Variants in MITD1 observed in about 807,000 individuals in gnomAD.
The protein encoded by MITD1 is microtubule interacting and trafficking domain containing 1.
MITD1 carries 24 observed loss-of-function variants against 34.9 expected under a neutral mutation model. The ratio of observed to expected loss-of-function variants is 0.69; its 90% CI spans 0.50 to 0.97. The LOEUF is 0.97. MITD1 is among the 50% of genes least tolerant of loss of function. The pLI is 0.00. For missense variants in MITD1, 266 were observed against 294.6 expected (o/e 0.90, Z 0.71); for synonymous variants, 102 against 101.4 (o/e 1.01, Z -0.04).
At chr2:99,170,490 A>C (rs1249299907) in intron 5 of MITD1, 47 bp downstream of exon 5, 1 of 606,730 alleles carries the variant, frequency 1.6e-6, no homozygotes, top group East Asian at 3.1e-5. Context: ...CAAAAATTTT[A>C]AGTATATATC....
downstream of MITD1, among the ~76,000 whole-genome samples, chr2:99,165,029 C>CAA (rs1299744455): frequency 1.4e-5 from 1 of 73,780 alleles, no homozygotes; most frequent in Non-Finnish European, 3.2e-5. Flanking sequence ...TACACACACA[C>CAA]ACACACACAC....
At chr2:99,162,302 G>C in intron 7 of MITD1, 1 of 1,612,736 alleles carries the variant, frequency 6.2e-7, no homozygotes, top group Non-Finnish European at 8.5e-7. Context: ...ATATCAATTT[G>C]ACTTTCTTTA....
intron 7 of MITD1, among the ~76,000 whole-genome samples, chr2:99,164,257 T>C (rs2093815880): frequency 6.6e-6 from 1 of 152,180 alleles, no homozygotes; most frequent in African/African-American, 2.4e-5. Flanking sequence ...GATTCATAAT[T>C]TGGTGAGAGT....
At position 99,174,016 on chromosome 2, in the gene MITD1, C is replaced by A; in HGVS notation, c.152G>T (p.Gly51Val). Residue 51 changes from glycine (G) to valine (V), a missense_variant and splice_region_variant, in exon 2 of 7, where the codon GGT becomes GTT. By Grantham distance (109) the Gly-to-Val change is moderately radical. Transcript: ENST00000289359. ...GIDLLLQVLKGTKDNTKRCNL... is the reference protein window; with the variant it reads ...GIDLLLQVLKVTKDNTKRCNL... Reference sequence around the variant, plus strand: ...ACATCTCTTAGTATTATCTTTGGTACCTACAAATTTAAAAATATATATTAT... The same window carrying A: ...ACATCTCTTAGTATTATCTTTGGTAACTACAAATTTAAAAATATATATTAT... 1.4e-6 allele frequency: 2 copies of A among 1,390,464 alleles called. No individual in the cohort carries two copies. Among genetic ancestry groups the A allele is most frequent in the South Asian group, 1.3e-5 (1 of 78,774 alleles). The allele number at this position is 1,390,464 out of a possible 1,614,324, so 86.1% of individuals were successfully genotyped here.
At position 99,171,567 on chromosome 2, in the gene MITD1, A is replaced by C; in HGVS notation, c.333T>G (p.Leu111=). 6.2e-7 allele frequency: 1 copy of C among 1,612,388 alleles called. No individual in the cohort carries two copies. Among genetic ancestry groups the C allele is most frequent in the Non-Finnish European group, 8.5e-7 (1 of 1,178,608 alleles). ...FSYESLFREY[L]NETVTEVWIE... is the part of the protein sequence containing the mutation. ...TCCAAACTTCTGTAACTGTCTCATT[A>C]AGGTATTCGCGAAAAAGTGACTCAT... Residue 111 remains leucine (L), a synonymous_variant, in exon 3 of 7, where the codon CTT becomes CTG. Coordinates refer to ENST00000289359, the MANE Select transcript of MITD1 (RefSeq NM_138798.3).
At chr2:99,171,255 A>G in intron 4 of MITD1, 88 bp downstream of exon 4, 2 of 907,826 alleles carry the variant, frequency 2.2e-6, no homozygotes, top group Non-Finnish European at 1.8e-6. Context: ...ATCTAGCTGA[A>G]GCACTGCATC....
intron 7 of MITD1, among the ~76,000 whole-genome samples, chr2:99,163,391 G>T (rs570976009): frequency 6.6e-6 from 1 of 152,008 alleles, no homozygotes; most frequent in African/African-American, 2.4e-5. Context: ...GCAGTGGTGC[G>T]ATCTTGGCCC....
chr2:99,166,689 C>G (rs1206545745), downstream of MITD1, among the ~76,000 whole-genome samples: 1 of 151,274 alleles, frequency 6.6e-6, no homozygotes, highest in East Asian at 1.9e-4. Flanking sequence ...TGGCCATCAT[C>G]CTTATATATT....
chr2:99,167,999 G>T (rs1249798066), downstream of MITD1, among the ~76,000 whole-genome samples: 1 of 152,140 alleles, frequency 6.6e-6, no homozygotes, highest in Non-Finnish European at 1.5e-5. Flanking sequence ...TGTTCCCATG[G>T]TCTCTACCTT....
intron 1 of MITD1, among the ~76,000 whole-genome samples, chr2:99,177,302 A>G (rs973437373): frequency 3.5e-4 from 53 of 152,110 alleles, no homozygotes; most frequent in African/African-American, 1.3e-3. Flanking sequence ...TTTGATTCCC[A>G]TTAACCTTAC....
At chr2:99,165,019 T>TACACACAC (rs56958044), downstream of MITD1, among the ~76,000 whole-genome samples, 540 of 136,732 alleles carry the variant, frequency 3.9e-3, 6 homozygotes, top group African/African-American at 0.013. Context: ...CAAAATGGCA[T>TACACACAC]ACACACACAC....
intron 4 of MITD1, among the ~76,000 whole-genome samples, chr2:99,171,081 T>C (rs901587686): frequency 6.6e-6 from 1 of 152,246 alleles, no homozygotes; most frequent in African/African-American, 2.4e-5. Flanking sequence ...GTGCAGACAG[T>C]GTGATTGCCT....
chr2:99,165,976 C>G (rs978814421), downstream of MITD1, among the ~76,000 whole-genome samples: 9 of 152,118 alleles, frequency 5.9e-5, no homozygotes, highest in Non-Finnish European at 2.9e-5. Flanking sequence ...CCAGCCCTTG[C>G]ATCAGTGTCA....
At chr2:99,161,839 A>G, downstream of MITD1, 1 of 842,760 alleles carries the variant, frequency 1.2e-6, no homozygotes. Context: ...AAAAGCCAAA[A>G]GCAACTGCAC....
chr2:99,168,873 A>G (rs910513001), downstream of MITD1, among the ~76,000 whole-genome samples: 7 of 149,096 alleles, frequency 4.7e-5, no homozygotes, highest in Non-Finnish European at 8.9e-5. Context: ...TCAACCTCCT[A>G]GGCTCAAGTG....
chr2:99,163,126 C>A, intron 7 of MITD1: 1 of 1,288,016 alleles, frequency 7.8e-7, no homozygotes, highest in Non-Finnish European at 1.0e-6. Flanking sequence ...AATAAAATGT[C>A]TCATACTTGC....
chr2:99,169,079 T>A (rs560435882), downstream of MITD1, among the ~76,000 whole-genome samples: 1 of 148,096 alleles, frequency 6.8e-6, no homozygotes, highest in South Asian at 2.2e-4. Context: ...AAAATTAAGA[T>A]CTAATTCATC....
downstream of MITD1, among the ~76,000 whole-genome samples, chr2:99,168,114 A>G (rs2093835310): frequency 6.6e-6 from 1 of 151,990 alleles, no homozygotes. Context: ...CCTCTTACAT[A>G]TGTTAGCTTA....
rs542315231 is a variant in MITD1 at position 99,174,880 on chromosome 2, C to T, written c.152-864G>A. 4.3e-3 allele frequency among the ~76,000 whole-genome samples: 644 copies of T among 148,904 alleles called. 3 individuals carry two copies. The highest frequency in any genetic ancestry group is 8.6e-3 in the South Asian group (40 of 4,668). On this transcript the variant is annotated intron_variant, in intron 1 of 6. Transcript: ENST00000289359. ...TGCTGGGATTACAGGCGTGAGCCAC[C>T]GTGCCCGGCCCATTTTTGTATTTTT...
Sources: gnomAD v4.1 joint callset for allele counts (sites outside exome capture counted in the v4.1 genomes callset) on GRCh38, gnomAD v4.1.1 for gene constraint, MANE v1.5 for transcripts, NCBI Gene and HGNC (gene_info 2026-07-23, HGNC 2026-07-21) for gene names.